Variants in FBXO5 observed in about 807,000 individuals in gnomAD.
FBXO5 encodes the protein F-box protein 5.
In FBXO5, 8 loss-of-function variants were observed where a neutral mutation model predicts 43.3. That is an observed-to-expected ratio of 0.18 (90% CI 0.11 to 0.33). The LOEUF (loss-of-function observed/expected upper bound fraction) is 0.33. Ranked by LOEUF, FBXO5 falls within the 10% of genes least tolerant of loss-of-function variation. The pLI is 1.00. For missense variants in FBXO5, 491 were observed against 535.7 expected, an observed-to-expected ratio of 0.92 and a Z score of 0.82; for synonymous variants, 204 against 193.7, an observed-to-expected ratio of 1.05 and a Z score of -0.44.
chr6:152,971,806 T>C (rs766327187), intron 4 of FBXO5, among the ~76,000 whole-genome samples: 3 of 152,180 alleles, frequency 2.0e-5, no homozygotes, highest in Admixed American at 6.5e-5. Context: ...GAAGGTATAA[T>C]AGAAGGCCTT....
intron 1 of FBXO5, among the ~76,000 whole-genome samples, chr6:152,978,986 G>C (rs367652851): frequency 6.6e-6 from 1 of 150,536 alleles, no homozygotes; most frequent in African/African-American, 2.4e-5. Flanking sequence ...GGGAAACCCT[G>C]TCTTAAAAAA....
At chr6:152,972,905 T>C (rs904906253) in intron 3 of FBXO5, 141 bp downstream of exon 3, 1 of 474,688 alleles carries the variant, frequency 2.1e-6, no homozygotes, top group African/African-American at 2.5e-5. Flanking sequence ...TATTTTTGAA[T>C]GTGGTTTCTA....
intron 1 of FBXO5, among the ~76,000 whole-genome samples, chr6:152,977,787 G>C (rs886484339): frequency 1.3e-5 from 2 of 152,156 alleles, no homozygotes. Context: ...AAACCAAAAA[G>C]GCCTGAAAAT....
Position 152,975,590 on chromosome 6 carries a change from G to C in FBXO5, c.135C>G (p.Val45=). ...SCKEESSTLS[V]KMKCDFNCNH... Reference sequence around the variant, plus strand: ...TACAATTAAAATCACACTTCATTTTGACAGAAAGGGTAGAACTTTCTTCTT... The same window carrying C: ...TACAATTAAAATCACACTTCATTTTCACAGAAAGGGTAGAACTTTCTTCTT... Residue 45 remains valine (V), a synonymous_variant, in exon 2 of 5, where the codon GTC becomes GTG. Coordinates refer to ENST00000229758, the MANE Select transcript of FBXO5 (RefSeq NM_012177.5). 6.2e-7 allele frequency: 1 copy of C among 1,605,698 alleles called. No individual in the cohort carries two copies. The highest frequency in any genetic ancestry group is 2.2e-5 in the East Asian group (1 of 44,840).
chr6:152,977,351 GT>G (rs1397457882), intron 1 of FBXO5, among the ~76,000 whole-genome samples: 2 of 152,042 alleles, frequency 1.3e-5, no homozygotes, highest in East Asian at 3.8e-4. Context: ...TTGGTAATGC[GT>G]TCATATAAAA....
Position 152,971,041 on chromosome 6 carries a change from A to C in FBXO5, c.*122T>G. 1.1e-6 allele frequency: 1 copy of C among 916,000 alleles called. No individual in the cohort carries two copies. The highest frequency in any genetic ancestry group is 1.5e-6 in the Non-Finnish European group (1 of 647,438). 56.7% of individuals were successfully genotyped at this position (916,000 alleles called of 1,614,324 possible). On this transcript the variant is annotated 3_prime_UTR_variant, in exon 5 of 5. Transcript: ENST00000229758. ...CTCTTTATCTTCTGGGGGGAAAAAA[A>C]CCTCAGGATACTACACCGATTTCAA...
Position 152,972,359 on chromosome 6 carries a change from A to C in FBXO5, c.1005T>G (p.Thr335=). 1 of 1,613,196 alleles carries C rather than the reference A, an allele frequency of 6.2e-7. No individual in the cohort carries two copies. Among genetic ancestry groups the C allele is most frequent in the Non-Finnish European group, 8.5e-7 (1 of 1,179,410 alleles). Residue 335 remains threonine, a synonymous_variant, in exon 4 of 5, where the codon ACT becomes ACG. Transcript: ENST00000229758. ...TGGTTTGAGCATCTTTTTTGAGAGA[A>C]GTCTGGGCTGCTGATTTCTGAACAG... ...LASVQKSAAQ[T]SLKKDAQTKL...
intron 1 of FBXO5, among the ~76,000 whole-genome samples, chr6:152,976,273 G>A (rs976182599): frequency 6.6e-6 from 1 of 152,190 alleles, no homozygotes; most frequent in Non-Finnish European, 1.5e-5. Flanking sequence ...TCTATAGGTA[G>A]CTTGGAGAAA....
chr6:152,970,959 G>T lies in FBXO5; in HGVS notation c.*204C>A. 2.3e-6 allele frequency: 1 copy of T among 436,978 alleles called. No homozygotes were observed. 27.1% of individuals were successfully genotyped at this position (436,978 alleles called of 1,614,324 possible). ...ATATTTAAATTGTTTGATTTGTATTGAGAATTTTAAACTTTTTCTCATTAA... is the reference window on the plus strand; with the variant it reads ...ATATTTAAATTGTTTGATTTGTATTTAGAATTTTAAACTTTTTCTCATTAA... On this transcript the variant is annotated 3_prime_UTR_variant, in exon 5 of 5. Coordinates refer to ENST00000229758, the MANE Select transcript of FBXO5 (RefSeq NM_012177.5).
chr6:152,975,043 T>C lies in FBXO5; in HGVS notation c.682A>G (p.Asn228Asp), dbSNP rs775523395. Residue 228 changes from asparagine (N) to aspartate (D), a missense_variant, in exon 2 of 5, where the codon AAT becomes GAT. Asn to Asp is a conservative substitution (Grantham distance 23). Coordinates refer to ENST00000229758, the MANE Select transcript of FBXO5 (RefSeq NM_012177.5). The part of the protein sequence containing the change: ...EMLKEIIARG[N>D]FRLQNIIGRK... ...CCAATTATATTCTGCAGTCTAAAAT[T>C]TCCTCTGGCTATAATTTCCTTCAGC... The C allele has an allele frequency of 2.5e-5, 40 of 1,614,158 alleles. No homozygotes were observed. Among genetic ancestry groups the C allele is most frequent in the Non-Finnish European group, 3.3e-5 (39 of 1,180,024 alleles).
chr6:152,980,706 T>C (rs1157410865), intron 1 of FBXO5, among the ~76,000 whole-genome samples: 1 of 152,140 alleles, frequency 6.6e-6, no homozygotes, highest in Non-Finnish European at 1.5e-5. Flanking sequence ...GTCTGTTATT[T>C]AGAAGGGTAA....
intron 1 of FBXO5, among the ~76,000 whole-genome samples, chr6:152,978,515 GC>G (rs1352378415): frequency 6.6e-6 from 1 of 151,290 alleles, no homozygotes; most frequent in African/African-American, 2.4e-5. Flanking sequence ...CAAAATCCAA[GC>G]AAATGGCAGT....
intron 1 of FBXO5, among the ~76,000 whole-genome samples, chr6:152,979,680 T>C (rs7747849): frequency 0.11 from 16,481 of 152,224 alleles, 945 homozygotes; most frequent in South Asian, 0.2. Flanking sequence ...CAGTATAAAC[T>C]CATAGACTTT....
Position 152,975,502 on chromosome 6 carries a change from T to G in FBXO5, c.223A>C (p.Thr75Pro). ...PDDIGRLVSY[T>P]PAYLEGSCKD... ...CAGGAACCTTCCAAATATGCAGGGG[T>G]GTAGGAAACTAGTCTTCCAATGTCA... Residue 75 changes from threonine (T) to proline (P), a missense_variant, in exon 2 of 5, where the codon ACC (threonine) becomes CCC (proline). Thr to Pro is a conservative substitution (Grantham distance 38). Transcript: ENST00000229758. The G allele has an allele frequency of 6.2e-7, 1 of 1,613,836 alleles. No homozygotes were observed. Among genetic ancestry groups the G allele is most frequent in the Non-Finnish European group, 8.5e-7 (1 of 1,179,940 alleles).
intron 1 of FBXO5, among the ~76,000 whole-genome samples, chr6:152,979,803 T>C (rs1032207253): frequency 2.0e-5 from 3 of 152,196 alleles, no homozygotes; most frequent in African/African-American, 7.2e-5. Context: ...TCATTTTGTG[T>C]TTTGAACATC....
intron 1 of FBXO5, among the ~76,000 whole-genome samples, chr6:152,976,961 C>A (rs1485906923): frequency 2.6e-5 from 4 of 152,146 alleles, no homozygotes; most frequent in Non-Finnish European, 5.9e-5. Context: ...TCTCCAGTTA[C>A]CAGTTATTGC....
rs1778289417 is a variant in FBXO5 at position 152,982,982 on chromosome 6, T to A, written c.-23A>T. 7.3e-7 allele frequency: 1 copy of A among 1,369,640 alleles called. No homozygotes were observed. The allele number at this position is 1,369,640 out of a possible 1,614,324, so 84.8% of individuals were successfully genotyped here. ...CATGCCAGCCGACGTGGAGTCTGCC[T>A]CAGGTGGAGGAACCGCTCCGGGGGC... On this transcript the variant is annotated 5_prime_UTR_variant, in exon 1 of 5. Transcript: ENST00000229758.
At position 152,975,418 on chromosome 6, in the gene FBXO5, G is replaced by A; in HGVS notation, c.307C>T (p.Pro103Ser). 2 of 1,613,878 alleles carry A rather than the reference G, an allele frequency of 1.2e-6. No individual in the cohort carries two copies. The highest frequency in any genetic ancestry group is 1.3e-5 in the African/African-American group (1 of 74,996). The change falls in exon 2 of 5, where the codon CCT (proline) becomes TCT (serine). Residue 103 changes from proline to serine, a missense_variant. Coordinates refer to ENST00000229758, the MANE Select transcript of FBXO5 (RefSeq NM_012177.5). ...TCAGTTTCAAGTTGTACAATCCTAG[G>A]GCTCACAATCGGTGACCCAATACAT... ...LSCIGSPIVS[P>S]RIVQLETESK...
chr6:152,982,382 TGCGGGGCAGATGTAGAAAAGGGGC>T (rs1307577555), intron 1 of FBXO5, among the ~76,000 whole-genome samples: 2 of 150,032 alleles, frequency 1.3e-5, no homozygotes, highest in African/African-American at 4.9e-5. Flanking sequence ...GCTGTGAGGG[TGCGGGGCAGATGTAGAAAAGGGGC>T]GCAGGGGGAG....
Sources: gnomAD v4.1 joint callset for allele counts (sites outside exome capture counted in the v4.1 genomes callset) on GRCh38, gnomAD v4.1.1 for gene constraint, MANE v1.5 for transcripts, NCBI Gene and HGNC (gene_info 2026-07-23, HGNC 2026-07-21) for gene names.